The following FRMD4A variants were observed in gnomAD, a reference collection of about 807,000 sequenced individuals.
The protein encoded by FRMD4A is FERM domain containing 4A.
In FRMD4A, 29 loss-of-function variants were observed where a neutral mutation model predicts 129.1. The observed-to-expected ratio is 0.22, with a 90% CI of 0.17 to 0.31. The LOEUF (loss-of-function observed/expected upper bound fraction) is 0.31. Among genes scored for constraint, FRMD4A ranks in the 10% least tolerant of loss-of-function variants. The probability of loss-of-function intolerance (pLI) is 1.00; values close to 1 mark genes in which losing one functional copy is unlikely to be tolerated. For missense variants in FRMD4A, 1,272 were observed against 1,375.8 expected (o/e 0.92, Z 1.19); for synonymous variants, 634 against 571.6 (o/e 1.11, Z -1.56).
At chr10:14,058,947 G>A (rs1351739094) in intron 2 of FRMD4A, among the ~76,000 whole-genome samples, 1 of 146,400 alleles carries the variant, frequency 6.8e-6, no homozygotes, top group African/African-American at 2.5e-5. Context: ...AGGGAAAAAT[G>A]CCCTGGTCAA....
At chr10:14,229,158 A>G (rs1843552154) in intron 2 of FRMD4A, among the ~76,000 whole-genome samples, 1 of 151,832 alleles carries the variant, frequency 6.6e-6, no homozygotes, top group Admixed American at 6.6e-5. Context: ...TGGGAGGGGA[A>G]GAGACCCTGA....
At chr10:13,900,429 A>T (rs1230378396) in intron 2 of FRMD4A, among the ~76,000 whole-genome samples, 2 of 152,226 alleles carry the variant, frequency 1.3e-5, no homozygotes, top group Non-Finnish European at 2.9e-5. Flanking sequence ...TGAAACACAG[A>T]CAAGAATCAA....
intron 2 of FRMD4A, among the ~76,000 whole-genome samples, chr10:14,118,063 C>T (rs1838293774): frequency 6.6e-6 from 1 of 152,122 alleles, no homozygotes; most frequent in African/African-American, 2.4e-5. Flanking sequence ...CCCAAGCAGT[C>T]AGCGCAGACC....
intron 4 of FRMD4A, among the ~76,000 whole-genome samples, chr10:13,806,004 T>C (rs12267949): frequency 6.6e-6 from 1 of 152,126 alleles, no homozygotes; most frequent in Non-Finnish European, 1.5e-5. Context: ...ATTACAAGCA[T>C]GTACTACCAC....
intron 2 of FRMD4A, among the ~76,000 whole-genome samples, chr10:14,256,005 CAA>C (rs34674875): frequency 2.8e-4 from 26 of 91,692 alleles, no homozygotes; most frequent in East Asian, 2.0e-3. Flanking sequence ...GCCTCCATCT[CAA>C]AAAAAAAAAA....
At chr10:14,006,314 G>A (rs34600008) in intron 2 of FRMD4A, among the ~76,000 whole-genome samples, 29,156 of 152,128 alleles carry the variant, frequency 0.19, 3,380 homozygotes, top group East Asian at 0.44. Context: ...CCCATGTAAC[G>A]GTGGGGTGTG....
intron 2 of FRMD4A, among the ~76,000 whole-genome samples, chr10:13,917,111 T>C (rs2095017932): frequency 6.6e-6 from 1 of 152,072 alleles, no homozygotes; most frequent in African/African-American, 2.4e-5. Context: ...CACCAAGAAG[T>C]GGCTTTAGTG....
At chr10:13,655,826 T>G (rs546773586) in intron 22 of FRMD4A, 1 of 152,328 alleles carries the variant, frequency 6.6e-6, no homozygotes, top group African/African-American at 2.4e-5. Context: ...AGTGTCCCTC[T>G]CTGAGTGGTA....
chr10:13,840,115 T>C (rs1012042766), intron 3 of FRMD4A, among the ~76,000 whole-genome samples: 21 of 152,210 alleles, frequency 1.4e-4, no homozygotes, highest in Admixed American at 3.9e-4. Flanking sequence ...CTATGTGCCT[T>C]CCTAAAATTC....
intron 9 of FRMD4A, among the ~76,000 whole-genome samples, chr10:13,746,910 A>C (rs1007560985): frequency 6.6e-6 from 1 of 152,172 alleles, no homozygotes; most frequent in South Asian, 2.1e-4. Context: ...ATTCAGAATC[A>C]GCCATTTAGG....
chr10:13,892,032 C>G (rs1049341892), intron 2 of FRMD4A, among the ~76,000 whole-genome samples: 1 of 151,468 alleles, frequency 6.6e-6, no homozygotes, highest in Non-Finnish European at 1.5e-5. Context: ...CCCCCGCCCC[C>G]CCAGAAAGCC....
At chr10:13,682,989 G>A (rs1480517304) in intron 15 of FRMD4A, among the ~76,000 whole-genome samples, 1 of 152,106 alleles carries the variant, frequency 6.6e-6, no homozygotes, top group Non-Finnish European at 1.5e-5. Flanking sequence ...TCCCAAGTGG[G>A]GGCTCTTTGC....
intron 15 of FRMD4A, among the ~76,000 whole-genome samples, chr10:13,687,019 G>A (rs1234178507): frequency 6.6e-6 from 1 of 152,110 alleles, no homozygotes; most frequent in Non-Finnish European, 1.5e-5. Context: ...GGCCAGGTGT[G>A]GTGGCTCAAG....
rs1400824488 is a variant in FRMD4A at position 14,127,982 on chromosome 10, C to CTTTCTTTCTTTCTT, written c.45+202075_45+202076insAAGAAAGAAAGAAA. On this transcript the variant is annotated intron_variant, in intron 2 of 24. Coordinates refer to ENST00000357447, the MANE Select transcript of FRMD4A (RefSeq NM_018027.5). ...TCTTTCTTTCTTTCTTTCTTTCCTT[C>CTTTCTTTCTTTCTT]TCTCTCTCTCTCTCTCTCTTTCTTT... Among the ~76,000 whole-genome samples the CTTTCTTTCTTTCTT allele has an allele frequency of 6.4e-4, 52 of 81,262 alleles. 1 individual carries two copies. Among genetic ancestry groups the CTTTCTTTCTTTCTT allele is most frequent in the African/African-American group, 3.8e-3 (51 of 13,492 alleles). 53.3% of individuals were successfully genotyped at this position (81,262 alleles called of 152,430 possible).
At position 13,689,098 on chromosome 10, in the gene FRMD4A, T is replaced by G. The variant is rs543870470; in HGVS notation, c.1117+4800A>C. 1.7e-4 allele frequency among the ~76,000 whole-genome samples: 26 copies of G among 151,220 alleles called. No individual in the cohort carries two copies. The East Asian group carries it at 5.1e-3, about 30-fold the overall frequency. On this transcript the variant is annotated intron_variant, in intron 15 of 24. Transcript: ENST00000357447. Reference sequence around the variant, plus strand: ...AGACTTCAGTAGTTTTAAAGGTAATTATGTGTCCTTAAACAGGCAAACCAC... The same window carrying G: ...AGACTTCAGTAGTTTTAAAGGTAATGATGTGTCCTTAAACAGGCAAACCAC...
intron 2 of FRMD4A, among the ~76,000 whole-genome samples, chr10:14,064,190 C>T (rs1834947468): frequency 6.6e-6 from 1 of 152,218 alleles, no homozygotes; most frequent in Admixed American, 6.5e-5. Flanking sequence ...CAAAATGTGA[C>T]TCAGAAGCAT....
intron 2 of FRMD4A, among the ~76,000 whole-genome samples, chr10:13,910,888 GAAAAAAAAAAAAAAAAAAAAAA>G (rs141449954): frequency 3.1e-4 from 26 of 83,100 alleles, no homozygotes; most frequent in African/African-American, 1.3e-3. Flanking sequence ...GGAGTTTCAT[GAAAAAAAAAAAAAAAAAAAAAA>G]AAAAAAAAAA....
At chr10:13,661,832 C>T (rs755446699) in intron 19 of FRMD4A, among the ~76,000 whole-genome samples, 3 of 152,162 alleles carry the variant, frequency 2.0e-5, no homozygotes, top group Non-Finnish European at 4.4e-5. Context: ...AACTACCATT[C>T]ACTTGCCCCT....
At chr10:13,669,912 A>C (rs1374268439) in intron 17 of FRMD4A, among the ~76,000 whole-genome samples, 1 of 152,182 alleles carries the variant, frequency 6.6e-6, no homozygotes, top group East Asian at 1.9e-4. Flanking sequence ...TCCTGCACAC[A>C]TTCTTGGAGG....
Sources: gnomAD v4.1 joint callset for allele counts (sites outside exome capture counted in the v4.1 genomes callset) on GRCh38, gnomAD v4.1.1 for gene constraint, MANE v1.5 for transcripts, NCBI Gene and HGNC (gene_info 2026-07-23, HGNC 2026-07-21) for gene names.